CCDC157: variants seen among roughly 807,000 people sequenced by gnomAD.
CCDC157 encodes the protein coiled-coil domain-containing protein 157.
CCDC157 carries 60 observed loss-of-function variants against 70.9 expected under a neutral mutation model. The observed-to-expected ratio is 0.85, with a 90% CI of 0.69 to 1.05. The LOEUF is 1.05. Among genes scored for constraint, CCDC157 ranks in the 50% least tolerant of loss-of-function variants. The pLI is 0.00. For synonymous variants in CCDC157, 373 were observed against 422.4 expected (o/e 0.88, Z 1.43); for missense variants, 943 against 984.2 (o/e 0.96, Z 0.56).
Position 30,375,563 on chromosome 22 carries a change from A to T in CCDC157, c.1757A>T (p.Gln586Leu), listed in dbSNP as rs1261019790. 10 of 1,614,100 alleles carry T rather than the reference A, an allele frequency of 6.2e-6. No individual in the cohort carries two copies. The highest frequency in any genetic ancestry group is 8.5e-6 in the Non-Finnish European group (10 of 1,180,040). ...NVTDHMERQV[Q>L]SNDIRIRVLQ... ...ACAGATCACATGGAGAGGCAAGTGC[A>T]GTCCAACGACATCCGCATCCGGGTC... The change falls in exon 10 of 12, where the codon CAG becomes CTG. Residue 586 changes from glutamine (Q) to leucine (L), a missense_variant. Gln to Leu is a moderately radical substitution (Grantham distance 113). Transcript: ENST00000338306.
chr22:30,372,820 G>C (rs1303283344), intron 7 of CCDC157: 1 of 154,932 alleles, frequency 6.5e-6, no homozygotes, highest in Non-Finnish European at 1.4e-5. Flanking sequence ...TCTGGGGGCT[G>C]TCTTGGCTGG....
rs200932540 is a variant in CCDC157, at chr22:30,376,547, A to G, written c.2061A>G (p.Thr687=). Residue 687 remains threonine (T), a synonymous_variant, in exon 12 of 12, where the codon ACA becomes ACG. Transcript: ENST00000338306. ...PCTSPPRQPC[T]SPPRQPCTSP... The stretch of plus-strand genomic sequence containing the variant: ...CATCCCCACCTCGGCAGCCCTGCAC[A>G]TCCCCACCTCGGCAGCCCTGCACAT... The G allele has an allele frequency of 1.2e-6, 2 of 1,612,138 alleles. No homozygotes were observed. Among genetic ancestry groups the G allele is most frequent in the African/African-American group, 1.3e-5 (1 of 74,520 alleles).
rs375051071 is a variant in CCDC157, at chr22:30,369,768, C to A, written c.420+165C>A. The A allele has an allele frequency of 1.5e-4, 83 of 550,454 alleles. No individual in the cohort carries two copies. The African/African-American group carries it at 1.6e-3, about 10-fold the overall frequency. 34.1% of individuals were successfully genotyped at this position (550,454 alleles called of 1,614,324 possible). A position where few individuals can be genotyped will look rare whatever the true frequency, so the allele number is the denominator to read the frequency against. On this transcript the variant is annotated intron_variant, in intron 4 of 11. Transcript: ENST00000338306. ...CCCAATCAAGCCCCACACAGTGTGG[C>A]GGTTAAGAACGCAGGCCTTGGGGAT...
upstream of CCDC157, chr22:30,356,668 T>A: frequency 7.8e-7 from 1 of 1,279,736 alleles, no homozygotes; most frequent in South Asian, 1.6e-5. Context: ...CTTATTCCTG[T>A]GCGAGTAAGG....
chr22:30,359,791 C>T (rs1228687788), intron 1 of CCDC157, among the ~76,000 whole-genome samples: 1 of 152,096 alleles, frequency 6.6e-6, no homozygotes. Context: ...GTTAATTGAC[C>T]TTTATTTTTA....
rs1033062204 is a variant in CCDC157, at chr22:30,373,604, A to G, written c.1343A>G (p.Gln448Arg). 20 of 1,553,996 alleles carry G rather than the reference A, an allele frequency of 1.3e-5. No individual in the cohort carries two copies. Among genetic ancestry groups the G allele is most frequent in the Non-Finnish European group, 1.7e-5 (19 of 1,148,510 alleles). ...DSMVRHQESL[Q>R]AKQRALLKQL... ...TTGTCCGTTCCTGCTTAGTCTCTGC[A>G]GGCCAAGCAGCGAGCCCTGCTAAAG... Residue 448 changes from glutamine (Q) to arginine (R), a missense_variant, in exon 8 of 12, where the codon CAG becomes CGG. Coordinates refer to ENST00000338306, the MANE Select transcript of CCDC157 (RefSeq NM_001017437.5).
intron 7 of CCDC157, chr22:30,373,257 G>A (rs769197935): frequency 8.5e-5 from 23 of 270,458 alleles, no homozygotes; most frequent in Non-Finnish European, 1.4e-4. Context: ...GACCCGAGGA[G>A]AAGAAAAACT....
At chr22:30,369,371 A>G in intron 3 of CCDC157, 61 bp from the exon 4 acceptor site, 1 of 1,349,556 alleles carries the variant, frequency 7.4e-7, no homozygotes, top group Non-Finnish European at 9.7e-7. Flanking sequence ...CTGCGGTTGT[A>G]TGGTCTGAGG....
Position 30,370,653 on chromosome 22 carries a change from T to C in CCDC157, c.748T>C (p.Ser250Pro). 1 of 1,613,970 alleles carries C rather than the reference T, an allele frequency of 6.2e-7. No individual in the cohort carries two copies. Among genetic ancestry groups the C allele is most frequent in the African/African-American group, 1.3e-5 (1 of 75,074 alleles). The change falls in exon 5 of 12, where the codon TCC becomes CCC. Residue 250 changes from serine (S) to proline (P), a missense_variant. Ser to Pro is a moderately conservative substitution (Grantham distance 74). Coordinates refer to ENST00000338306, the MANE Select transcript of CCDC157 (RefSeq NM_001017437.5). ...SLCQSQNLPS[S>P]LGQFQQLVQD... ...GTGTCAGAGCCAGAACCTGCCCTCG[T>C]CCTTAGGCCAGTTCCAGCAACTGGT...
At chr22:30,360,403 G>T (rs909615801) in intron 1 of CCDC157, among the ~76,000 whole-genome samples, 3 of 151,958 alleles carry the variant, frequency 2.0e-5, no homozygotes, top group Admixed American at 2.0e-4. Context: ...TACTCTGGAG[G>T]CTGAGGCAGG....
chr22:30,375,198 C>A (rs8137033), intron 9 of CCDC157: 3,938 of 352,428 alleles, frequency 0.011, 158 homozygotes, highest in African/African-American at 0.08. Flanking sequence ...ACTTAATGAT[C>A]CCCTGACCTG....
chr22:30,375,467 C>A lies in CCDC157; in HGVS notation c.1673-12C>A. 1 of 1,613,958 alleles carries A rather than the reference C, an allele frequency of 6.2e-7. No homozygotes were observed. The highest frequency in any genetic ancestry group is 8.5e-7 in the Non-Finnish European group (1 of 1,179,944). On this transcript the variant is annotated splice_polypyrimidine_tract_variant and intron_variant, in intron 9 of 11. Coordinates refer to ENST00000338306, the MANE Select transcript of CCDC157 (RefSeq NM_001017437.5). ...GTGCCTCCCTTCTAAGGTCCTGTCC[C>A]ATTGGGCACAGGAGGCAGATCCAGC...
At position 30,370,716 on chromosome 22, in the gene CCDC157, A is replaced by T. The variant is rs1194902256; in HGVS notation, c.811A>T (p.Thr271Ser). 1 of 1,613,280 alleles carries T rather than the reference A, an allele frequency of 6.2e-7. No homozygotes were observed. The highest frequency in any genetic ancestry group is 1.3e-5 in the African/African-American group (1 of 74,932). The change falls in exon 5 of 12, where the codon ACC becomes TCC. Residue 271 changes from threonine to serine, a missense_variant. Thr to Ser is a moderately conservative substitution (Grantham distance 58). Coordinates refer to ENST00000338306, the MANE Select transcript of CCDC157 (RefSeq NM_001017437.5). ...GGGGCTCAGGCCACTGCCGGCTGCC[A>T]CCGTGGGCCGCTGGGCAGCAGAGCA... Reference protein sequence around the residue: ...SMGLRPLPAATVGRWAAEQRK... With the variant: ...SMGLRPLPAASVGRWAAEQRK...
rs992029280 is a variant in CCDC157 at position 30,374,405 on chromosome 22, T to A, written c.1672+314T>A. On this transcript the variant is annotated intron_variant, in intron 9 of 11. Transcript: ENST00000338306. ...CACTACGTCACATGCTAATTCTTGC[T>A]CGACTTCTGTGTGTCCCCCTTCTTG... 32 of 543,824 alleles carry A rather than the reference T, an allele frequency of 5.9e-5. No individual in the cohort carries two copies. The Admixed American group carries it at 6.9e-4, about 12-fold the overall frequency. 33.7% of individuals were successfully genotyped at this position (543,824 alleles called of 1,614,324 possible).
At position 30,358,648 on chromosome 22, in the gene CCDC157, G is replaced by A. The variant is rs532902212; in HGVS notation, c.-166+1516G>A. Among the ~76,000 whole-genome samples the A allele has an allele frequency of 5.9e-5, 9 of 152,328 alleles. No individual in the cohort carries two copies. In the South Asian group the frequency reaches 1.4e-3, roughly 25 times the overall value. ...GTACTAGTTCTGAGAGAGAGAAGGC[G>A]CTTGAATGTTGAACGGAAATGCAGG... On this transcript the variant is annotated intron_variant, in intron 1 of 11. Transcript: ENST00000338306.
chr22:30,376,042 A>G, intron 10 of CCDC157: 1 of 554,934 alleles, frequency 1.8e-6, no homozygotes, highest in East Asian at 3.0e-5. Flanking sequence ...AAAAGAAGCC[A>G]TGTCAGAAAG....
At chr22:30,376,075 T>C in intron 10 of CCDC157, 184 bp from the exon 11 acceptor site, 1 of 590,968 alleles carries the variant, frequency 1.7e-6, no homozygotes. Context: ...ACTTGCTGCC[T>C]GCCCAAGGCT....
rs1290025973 is a variant in CCDC157, at chr22:30,378,181, C to T, written c.*1436C>T. The T allele has an allele frequency of 2.1e-6, 1 of 470,642 alleles. No individual in the cohort carries two copies. The highest frequency in any genetic ancestry group is 2.0e-5 in the African/African-American group (1 of 50,074). 29.2% of individuals were successfully genotyped at this position (470,642 alleles called of 1,614,324 possible). On this transcript the variant is annotated 3_prime_UTR_variant, in exon 12 of 12. Transcript: ENST00000338306. ...ACAGAGGATTTCTCATGTGCTGAATCCCCCACATGCTTCAAATCCCTGACT... is the reference window on the plus strand; with the variant it reads ...ACAGAGGATTTCTCATGTGCTGAATTCCCCACATGCTTCAAATCCCTGACT...
At position 30,369,416 on chromosome 22, in the gene CCDC157, G is replaced by T; in HGVS notation, c.249-16G>T. 1 of 1,490,628 alleles carries T rather than the reference G, an allele frequency of 6.7e-7. No homozygotes were observed. The highest frequency in any genetic ancestry group is 9.0e-7 in the Non-Finnish European group (1 of 1,113,486). 92.3% of individuals were successfully genotyped at this position (1,490,628 alleles called of 1,614,324 possible). ...CACCAGCCTGGGCCCCAGCAACCTAGCATCTCTGCCCGCAGGCTCCTGCTG... is the reference window on the plus strand; with the variant it reads ...CACCAGCCTGGGCCCCAGCAACCTATCATCTCTGCCCGCAGGCTCCTGCTG... On this transcript the variant is annotated splice_polypyrimidine_tract_variant and intron_variant, in intron 3 of 11. Coordinates refer to ENST00000338306, the MANE Select transcript of CCDC157 (RefSeq NM_001017437.5).
Sources: gnomAD v4.1 joint callset for allele counts (sites outside exome capture counted in the v4.1 genomes callset) on GRCh38, gnomAD v4.1.1 for gene constraint, MANE v1.5 for transcripts, NCBI Gene and HGNC (gene_info 2026-07-23, HGNC 2026-07-21) for gene names.